TTC28: variants seen among roughly 807,000 people sequenced by gnomAD.
TTC28 encodes tetratricopeptide repeat domain 28, also known as tetratricopeptide repeat protein 28.
TTC28 carries 61 observed loss-of-function variants against 198.0 expected under a neutral mutation model. That is an observed-to-expected ratio of 0.31 (90% CI 0.25 to 0.38). The LOEUF (loss-of-function observed/expected upper bound fraction) is 0.38, where lower values mean the gene tolerates loss of function less well. TTC28 is among the 10% of genes least tolerant of loss of function. The probability of loss-of-function intolerance (pLI) is 1.00; values close to 1 mark genes in which losing one functional copy is unlikely to be tolerated. For synonymous variants in TTC28, 1,171 were observed against 1,297.8 expected (o/e 0.90, Z 2.10); for missense variants, 2,678 against 3,164.0 (o/e 0.85, Z 3.69).
At chr22:28,219,937 AAG>A (rs1328257972) in intron 5 of TTC28, among the ~76,000 whole-genome samples, 1 of 152,208 alleles carries the variant, frequency 6.6e-6, no homozygotes, top group Admixed American at 6.5e-5. Flanking sequence ...GAAAATCTTT[AAG>A]AGTTCTTTTA....
chr22:28,549,823 T>C (rs2049625335), intron 2 of TTC28, among the ~76,000 whole-genome samples: 2 of 152,222 alleles, frequency 1.3e-5, no homozygotes, highest in Non-Finnish European at 1.5e-5. Flanking sequence ...GTAAAATTCA[T>C]GGTCTTCAAT....
At chr22:28,231,213 C>A (rs897371863) in intron 5 of TTC28, among the ~76,000 whole-genome samples, 1 of 152,146 alleles carries the variant, frequency 6.6e-6, no homozygotes, top group Non-Finnish European at 1.5e-5. Flanking sequence ...ACTTGAAGAA[C>A]CAACAGTCTA....
chr22:28,661,000 T>C (rs1360454899), intron 1 of TTC28, among the ~76,000 whole-genome samples: 1 of 152,006 alleles, frequency 6.6e-6, no homozygotes, highest in Admixed American at 6.6e-5. Flanking sequence ...CTACTGCTTT[T>C]AAGGCCAGCC....
Position 28,475,267 on chromosome 22 carries a change from TC to T in TTC28, c.381+154284del, listed in dbSNP as rs148201475. Among the ~76,000 whole-genome samples the T allele has an allele frequency of 7.7e-3, 1,174 of 151,602 alleles. 23 individuals carry two copies. The highest frequency in any genetic ancestry group is 0.026 in the African/African-American group (1,086 of 41,350). ...CAGGGCTGCGGGTGGCCAGAGGCTA[TC>T]CCAGCAGCTAAGGTCACAAGGCAGG... On this transcript the variant is annotated intron_variant, in intron 2 of 22. Transcript: ENST00000397906.
At chr22:28,240,052 G>C (rs1211757236) in intron 5 of TTC28, among the ~76,000 whole-genome samples, 1 of 152,182 alleles carries the variant, frequency 6.6e-6, no homozygotes, top group Non-Finnish European at 1.5e-5. Flanking sequence ...TGACAGAAAT[G>C]AATGAATCTG....
intron 2 of TTC28, among the ~76,000 whole-genome samples, chr22:28,489,430 G>A (rs909768348): frequency 1.3e-5 from 2 of 152,048 alleles, no homozygotes; most frequent in Non-Finnish European, 2.9e-5. Context: ...ATCTCACCCT[G>A]AAAGCATTTT....
chr22:28,015,269 G>T (rs1938320679), intron 13 of TTC28, among the ~76,000 whole-genome samples: 1 of 152,156 alleles, frequency 6.6e-6, no homozygotes, highest in African/African-American at 2.4e-5. Flanking sequence ...CAACAAGGCT[G>T]CCCACGTGCA....
intron 6 of TTC28, among the ~76,000 whole-genome samples, chr22:28,142,851 CCAT>C (rs769269071): frequency 1.1e-4 from 16 of 152,304 alleles, no homozygotes; most frequent in Non-Finnish European, 1.3e-4. Flanking sequence ...ATCACCACCA[CCAT>C]GAGAGTCCCC....
At chr22:28,242,053 G>C (rs1378313495) in intron 5 of TTC28, among the ~76,000 whole-genome samples, 1 of 152,140 alleles carries the variant, frequency 6.6e-6, no homozygotes, top group Admixed American at 6.6e-5. Context: ...GATAAGAAAA[G>C]AAGCATTGGT....
chr22:28,655,509 G>A (rs2051630902), intron 1 of TTC28, among the ~76,000 whole-genome samples: 1 of 152,120 alleles, frequency 6.6e-6, no homozygotes, highest in Non-Finnish European at 1.5e-5. Context: ...AATTCACGTT[G>A]TCCCTAAGAT....
At chr22:28,240,997 AGAAG>A (rs1929615503) in intron 5 of TTC28, among the ~76,000 whole-genome samples, 1 of 152,220 alleles carries the variant, frequency 6.6e-6, no homozygotes. Context: ...ACATCAATAT[AGAAG>A]GAAGGAACAG....
chr22:28,617,687 C>T (rs2050924131), intron 2 of TTC28, among the ~76,000 whole-genome samples: 1 of 152,144 alleles, frequency 6.6e-6, no homozygotes, highest in South Asian at 2.1e-4. Context: ...GCAGTACAAA[C>T]AGACTTTAAT....
chr22:28,606,776 T>C lies in TTC28; in HGVS notation c.381+22776A>G, dbSNP rs1193242787. On this transcript the variant is annotated intron_variant, in intron 2 of 22. Coordinates refer to ENST00000397906, the MANE Select transcript of TTC28 (RefSeq NM_001145418.2). ...CATGTCTTTAACACATATAAAATAA[T>C]GGACTATATAATAACAACAAACCAT... Among the ~76,000 whole-genome samples the C allele has an allele frequency of 2.6e-5, 4 of 152,122 alleles. No individual in the cohort carries two copies. The East Asian group carries it at 5.8e-4, about 22-fold the overall frequency.
intron 5 of TTC28, among the ~76,000 whole-genome samples, chr22:28,225,336 C>T (rs1291244821): frequency 6.8e-6 from 1 of 146,882 alleles, no homozygotes; most frequent in African/African-American, 2.5e-5. Context: ...GCCTGGGCAA[C>T]AGAGTGAGAG....
intron 20 of TTC28, chr22:27,990,216 G>A: frequency 1.6e-6 from 1 of 614,470 alleles, no homozygotes; most frequent in East Asian, 3.3e-5. Flanking sequence ...TGGGGCAAGA[G>A]GCTGTGTGGC....
chr22:28,284,165 C>A (rs1344073695), intron 5 of TTC28, among the ~76,000 whole-genome samples: 1 of 152,078 alleles, frequency 6.6e-6, no homozygotes, highest in African/African-American at 2.4e-5. Flanking sequence ...ATCTTTATAT[C>A]CAAAGGCATT....
At chr22:28,104,278 GACTA>G (rs1395305937) in intron 8 of TTC28, among the ~76,000 whole-genome samples, 1 of 152,166 alleles carries the variant, frequency 6.6e-6, no homozygotes, top group Non-Finnish European at 1.5e-5. Context: ...CCTACTCCTT[GACTA>G]ACTGACTACA....
Position 28,679,680 on chromosome 22 carries a change from G to A in TTC28, c.44C>T (p.Pro15Leu), listed in dbSNP as rs747562799. ...PPPAPEPTQG[P>L]TPARSRRRRE... ...CCGCCTTCGGCTCCTTGCGGGGGTC[G>A]GCCCTTGGGTCGGCTCGGGCGCCGG... The change falls in exon 1 of 23, where the codon CCG becomes CTG. Residue 15 changes from proline to leucine, a missense_variant. Pro to Leu is a moderately conservative substitution (Grantham distance 98). Around this residue, in one of 8 missense-constraint regions of TTC28, gnomAD observed 22 missense variants for 55.0 expected, o/e 0.40. Coordinates refer to ENST00000397906, the MANE Select transcript of TTC28 (RefSeq NM_001145418.2). The A allele has an allele frequency of 1.0e-4, 139 of 1,332,972 alleles. No homozygotes were observed. The highest frequency in any genetic ancestry group is 8.5e-4 in the Middle Eastern group (3 of 3,524). The allele number at this position is 1,332,972 out of a possible 1,614,324, so 82.6% of individuals were successfully genotyped here. A position where few individuals can be genotyped will look rare whatever the true frequency, so the allele number is the denominator to read the frequency against.
At chr22:28,073,517 C>CA (rs1187343695) in intron 12 of TTC28, among the ~76,000 whole-genome samples, 1 of 151,870 alleles carries the variant, frequency 6.6e-6, no homozygotes, top group Non-Finnish European at 1.5e-5. Flanking sequence ...AAGATATAAG[C>CA]AAAAAAATGG....
Sources: allele counts gnomAD v4.1 joint callset (sites outside exome capture counted in the v4.1 genomes callset), GRCh38; gene constraint gnomAD v4.1.1; regional missense constraint gnomAD v4.1.1; transcripts MANE v1.5; gene names NCBI Gene and HGNC (gene_info 2026-07-23, HGNC 2026-07-21).